DPYD: variants seen among roughly 807,000 people sequenced by gnomAD.
The protein encoded by DPYD is dihydropyrimidine dehydrogenase.
In DPYD, 109 loss-of-function variants were observed where a neutral mutation model predicts 116.2. The ratio of observed to expected loss-of-function variants is 0.94; its 90% CI spans 0.80 to 1.10. DPYD has a LOEUF of 1.10. DPYD is among the 50% of genes least tolerant of loss of function. The pLI is 0.00. For missense variants in DPYD, 1,302 were observed against 1,254.5 expected (o/e 1.04, Z -0.57); for synonymous variants, 440 against 432.0 (o/e 1.02, Z -0.23).
intron 8 of DPYD, among the ~76,000 whole-genome samples, chr1:97,613,631 T>C (rs556522429): frequency 6.6e-6 from 1 of 152,016 alleles, no homozygotes; most frequent in East Asian, 1.9e-4. Context: ...TATTTACTAA[T>C]TAAAATTATA....
chr1:97,195,634 G>GTATATATATATATATATA (rs71071637), intron 19 of DPYD, among the ~76,000 whole-genome samples: 7 of 57,720 alleles, frequency 1.2e-4, no homozygotes, highest in Admixed American at 2.3e-4. Context: ...ATATGTATGT[G>GTATATATATATATATATA]TATATATATA....
chr1:97,572,030 G>T (rs1325450841), intron 11 of DPYD, among the ~76,000 whole-genome samples: 1 of 151,820 alleles, frequency 6.6e-6, no homozygotes, highest in East Asian at 1.9e-4. Flanking sequence ...TCCTGGTAAA[G>T]TTAGTAATTC....
intron 2 of DPYD, among the ~76,000 whole-genome samples, chr1:97,834,245 G>A (rs893032930): frequency 6.6e-6 from 1 of 151,896 alleles, no homozygotes; most frequent in African/African-American, 2.4e-5. Flanking sequence ...AGTCAATCCT[G>A]TTGCCAAGCT....
chr1:97,105,789 T>A (rs934151342), intron 20 of DPYD, among the ~76,000 whole-genome samples: 1 of 152,034 alleles, frequency 6.6e-6, no homozygotes, highest in African/African-American at 2.4e-5. Context: ...TAATTCCAAC[T>A]CAGAGGTTAA....
chr1:97,186,701 T>C (rs1658013887), intron 20 of DPYD, among the ~76,000 whole-genome samples: 1 of 151,964 alleles, frequency 6.6e-6, no homozygotes, highest in African/African-American at 2.4e-5. Context: ...ATACAAAAAT[T>C]AGCTGGGCGT....
At chr1:97,844,088 G>A (rs1361560270) in intron 2 of DPYD, among the ~76,000 whole-genome samples, 1 of 152,056 alleles carries the variant, frequency 6.6e-6, no homozygotes, top group African/African-American at 2.4e-5. Context: ...GAAAGGAACT[G>A]CAAAGACCCT....
intron 20 of DPYD, among the ~76,000 whole-genome samples, chr1:97,147,426 G>T (rs761178160): frequency 1.3e-5 from 2 of 152,174 alleles, no homozygotes; most frequent in African/African-American, 2.4e-5. Flanking sequence ...AAACAGCCTT[G>T]AATGCCAGAT....
intron 21 of DPYD, among the ~76,000 whole-genome samples, chr1:97,096,693 T>A (rs1028852971): frequency 6.6e-6 from 1 of 151,990 alleles, no homozygotes; most frequent in Non-Finnish European, 1.5e-5. Flanking sequence ...GTCCTAAAAG[T>A]AGCCAATCAC....
chr1:97,188,820 T>C (rs1658172845), intron 20 of DPYD, among the ~76,000 whole-genome samples: 2 of 152,224 alleles, frequency 1.3e-5, no homozygotes, highest in Non-Finnish European at 2.9e-5. Context: ...AAGAAGCTTA[T>C]AATCTAGGCA....
At chr1:97,907,793 T>C (rs1673713976) in intron 1 of DPYD, among the ~76,000 whole-genome samples, 3 of 151,998 alleles carry the variant, frequency 2.0e-5, no homozygotes, top group Admixed American at 1.3e-4. Flanking sequence ...TCAAAATTTG[T>C]ATTCATTTTC....
At chr1:97,080,549 A>T (rs1476952346) in intron 22 of DPYD, among the ~76,000 whole-genome samples, 1 of 152,144 alleles carries the variant, frequency 6.6e-6, no homozygotes, top group East Asian at 1.9e-4. Flanking sequence ...CAAGAACTAT[A>T]GCTATAGCAA....
At chr1:97,664,552 C>T (rs1187121564) in intron 8 of DPYD, among the ~76,000 whole-genome samples, 2 of 151,756 alleles carry the variant, frequency 1.3e-5, no homozygotes, top group Admixed American at 6.6e-5. Context: ...TATAACTATA[C>T]ATTAGTTTTA....
At chr1:97,498,110 G>A (rs1198950447) in intron 13 of DPYD, among the ~76,000 whole-genome samples, 1 of 151,676 alleles carries the variant, frequency 6.6e-6, no homozygotes, top group African/African-American at 2.4e-5. Context: ...GTACTCAATA[G>A]GTAAATCCAT....
rs959437275 is a variant in DPYD, at chr1:97,819,943, A to T, written c.233+8171T>A. On this transcript the variant is annotated intron_variant, in intron 3 of 22. Coordinates refer to ENST00000370192, the MANE Select transcript of DPYD (RefSeq NM_000110.4). ...TATAATACATACCACATATAGAAATATGCATACACATGCACACACACAAAT... is the reference window on the plus strand; with the variant it reads ...TATAATACATACCACATATAGAAATTTGCATACACATGCACACACACAAAT... Among the ~76,000 whole-genome samples, 4 of 152,122 alleles carry T rather than the reference A, an allele frequency of 2.6e-5. No homozygotes were observed. The South Asian group carries it at 8.3e-4, about 32-fold the overall frequency.
intron 18 of DPYD, chr1:97,296,160 C>T (rs1666515154): frequency 1.5e-5 from 2 of 135,756 alleles, no homozygotes; most frequent in African/African-American, 5.0e-5. Flanking sequence ...CAAAATAATT[C>T]AAAATATTGG....
intron 13 of DPYD, among the ~76,000 whole-genome samples, chr1:97,513,782 T>C (rs1431411161): frequency 1.3e-5 from 2 of 151,782 alleles, no homozygotes; most frequent in African/African-American, 4.8e-5. Flanking sequence ...AATAAGCACA[T>C]ACGATGTAAT....
chr1:97,706,036 A>G (rs890786448), intron 5 of DPYD, among the ~76,000 whole-genome samples: 1 of 152,004 alleles, frequency 6.6e-6, no homozygotes, highest in Non-Finnish European at 1.5e-5. Flanking sequence ...TCGCTAAAAA[A>G]TTCACTATAT....
At position 97,593,455 on chromosome 1, in the gene DPYD, A is replaced by G; in HGVS notation, c.959-68T>C. 8.3e-6 allele frequency: 13 copies of G among 1,575,270 alleles called. No individual in the cohort carries two copies. In the South Asian group the frequency reaches 1.3e-4, roughly 16 times the overall value. The stretch of plus-strand genomic sequence containing the variant: ...ATTTCTGCATGACAGCTCAAAAGAT[A>G]CTTGTACTCAAAGCAGTGTAAAATT... On this transcript the variant is annotated intron_variant, in intron 9 of 22. Transcript: ENST00000370192.
At chr1:97,127,373 T>A (rs1652929073) in intron 20 of DPYD, among the ~76,000 whole-genome samples, 1 of 152,122 alleles carries the variant, frequency 6.6e-6, no homozygotes, top group Non-Finnish European at 1.5e-5. Flanking sequence ...TACATTTTTG[T>A]AGGCAAAGGA....
Sources: gnomAD v4.1 joint callset for allele counts (sites outside exome capture counted in the v4.1 genomes callset) on GRCh38, gnomAD v4.1.1 for gene constraint, MANE v1.5 for transcripts, NCBI Gene and HGNC (gene_info 2026-07-23, HGNC 2026-07-21) for gene names.